SCML2: variants seen among roughly 807,000 people sequenced by gnomAD.
The protein encoded by SCML2 is sex comb on midleg-like protein 2.
In SCML2, 6 loss-of-function variants were observed where a neutral mutation model predicts 48.4. The observed-to-expected ratio is 0.12, with a 90% confidence interval of 0.07 to 0.24. SCML2 has a LOEUF of 0.24. SCML2 is among the 10% of genes least tolerant of loss of function. SCML2 has a pLI of 1.00. For synonymous variants in SCML2, 181 were observed against 189.5 expected, an observed-to-expected ratio of 0.95 and a Z score of 0.37; for missense variants, 377 against 528.2, an observed-to-expected ratio of 0.71 and a Z score of 2.81.
At chrX:18,354,427 A>G (rs1393001884) in intron 1 of SCML2, among the ~76,000 whole-genome samples, 165 bp downstream of exon 1, 1 of 111,045 alleles carries the variant, frequency 9.0e-6, no homozygotes, top group East Asian at 2.9e-4. Flanking sequence ...GGGATACCCT[A>G]TCGCGAAGCC....
chrX:18,323,790 C>T, intron 5 of SCML2, 69 bp downstream of exon 5: 6 of 829,960 alleles, frequency 7.2e-6, no homozygotes, highest in Non-Finnish European at 1.1e-5. Context: ...TTTTAAAAGG[C>T]CACTTAAAGC....
intron 6 of SCML2, among the ~76,000 whole-genome samples, chrX:18,315,981 A>G (rs1184436302): frequency 9.0e-6 from 1 of 111,088 alleles, no homozygotes; most frequent in African/African-American, 3.3e-5. Flanking sequence ...GGTTAGAAAG[A>G]AACAGGACAA....
rs149069692 is a variant in SCML2 at position 18,264,431 on chromosome X, T to TTGTGTG, written c.948+1148_948+1153dup. Among the ~76,000 whole-genome samples the TTGTGTG allele has an allele frequency of 3.2e-3, 271 of 83,922 alleles. 1 individual carries two copies. The highest frequency in any genetic ancestry group is 6.3e-3 in the Middle Eastern group (1 of 159). The allele number at this position is 83,922 out of a possible 115,157, so 72.9% of individuals were successfully genotyped here. ...AAGATGGTCTTTTTAATCAGTACGA[T>TTGTGTG]TGTGTGTGTGTGTGTGTGTGTGTGT... On this transcript the variant is annotated intron_variant, in intron 8 of 14. Coordinates refer to ENST00000251900, the MANE Select transcript of SCML2 (RefSeq NM_006089.3).
chrX:18,310,696 C>T (rs1157662570), intron 6 of SCML2, among the ~76,000 whole-genome samples: 1 of 111,379 alleles, frequency 9.0e-6, no homozygotes, highest in African/African-American at 3.3e-5. Context: ...AGCAGTCCTC[C>T]TGCCTCAGCC....
chrX:18,292,342 C>T (rs896023818), intron 7 of SCML2, among the ~76,000 whole-genome samples: 6 of 111,181 alleles, frequency 5.4e-5, no homozygotes, highest in Admixed American at 9.6e-5. Context: ...AAGACATATA[C>T]ATAAAAGTAT....
chrX:18,321,890 T>C (rs1483076896), intron 5 of SCML2, among the ~76,000 whole-genome samples: 1 of 111,550 alleles, frequency 9.0e-6, no homozygotes, highest in Non-Finnish European at 1.9e-5. Context: ...AACTAATCTA[T>C]AAGGTTAGGA....
At chrX:18,322,530 G>A (rs1188085772) in intron 5 of SCML2, among the ~76,000 whole-genome samples, 1 of 112,276 alleles carries the variant, frequency 8.9e-6, no homozygotes, top group African/African-American at 3.2e-5. Flanking sequence ...GTGAGTGAAA[G>A]AAGGCAAAAG....
At chrX:18,253,801 T>C (rs751988741) in intron 11 of SCML2, among the ~76,000 whole-genome samples, 1 of 112,075 alleles carries the variant, frequency 8.9e-6, no homozygotes, top group East Asian at 2.8e-4. Flanking sequence ...AGCATATTTA[T>C]ACAACAGAAT....
chrX:18,247,776 C>A lies in SCML2; in HGVS notation c.1563G>T (p.Ala521=). 1 of 1,187,268 alleles carries A rather than the reference C, an allele frequency of 8.4e-7. No individual in the cohort carries two copies. Among genetic ancestry groups the A allele is most frequent in the Non-Finnish European group, 1.1e-6 (1 of 873,791 alleles). Residue 521 remains alanine (A), a synonymous_variant, in exon 12 of 15, where the codon GCG becomes GCT. Coordinates refer to ENST00000251900, the MANE Select transcript of SCML2 (RefSeq NM_006089.3). ...GGTGTAAATGCTATTTACCTTCAGA[C>A]GCATACTCCTTTGTTTTGGGGAGCT... ...SPKLPKTKEY[A]SEGEPLFAGG... is the part of the protein sequence containing the mutation.
At chrX:18,293,202 C>G (rs917639723) in intron 7 of SCML2, among the ~76,000 whole-genome samples, 1 of 111,336 alleles carries the variant, frequency 9.0e-6, no homozygotes, top group African/African-American at 3.3e-5. Flanking sequence ...CAAATTATAT[C>G]TAAAAAACTG....
intron 7 of SCML2, among the ~76,000 whole-genome samples, chrX:18,268,191 T>C (rs994546692): frequency 8.9e-6 from 1 of 112,701 alleles, no homozygotes; most frequent in Non-Finnish European, 1.9e-5. Context: ...TCTTCTACTT[T>C]ATGAGAAGAT....
At chrX:18,325,376 G>A (rs1351793423) in intron 3 of SCML2, among the ~76,000 whole-genome samples, 1 of 111,848 alleles carries the variant, frequency 8.9e-6, no homozygotes, top group Non-Finnish European at 1.9e-5. Flanking sequence ...TTAATGTGAA[G>A]GCACTTCTTT....
intron 13 of SCML2, among the ~76,000 whole-genome samples, chrX:18,244,772 T>C (rs1926384084): frequency 9.0e-6 from 1 of 111,176 alleles, no homozygotes; most frequent in Admixed American, 9.6e-5. Flanking sequence ...ATTGGATTTC[T>C]TTCCTATAAT....
At chrX:18,299,907 C>CT (rs1928527091) in intron 7 of SCML2, among the ~76,000 whole-genome samples, 1 of 109,504 alleles carries the variant, frequency 9.1e-6, no homozygotes, top group Admixed American at 9.8e-5. Context: ...CCCATTTTAC[C>CT]TTTTTATTTT....
At chrX:18,318,038 C>T (rs1326859470) in intron 6 of SCML2, among the ~76,000 whole-genome samples, 1 of 111,857 alleles carries the variant, frequency 8.9e-6, no homozygotes, top group African/African-American at 3.2e-5. Flanking sequence ...ATGTGTATGA[C>T]AAGTGTGGCA....
chrX:18,337,348 T>C (rs1424436714), intron 1 of SCML2, among the ~76,000 whole-genome samples: 2 of 91,911 alleles, frequency 2.2e-5, no homozygotes, highest in African/African-American at 8.3e-5. Flanking sequence ...CAATTGTATG[T>C]TGGCTACAAA....
chrX:18,282,404 G>T (rs1328809646), intron 7 of SCML2, among the ~76,000 whole-genome samples: 1 of 110,859 alleles, frequency 9.0e-6, no homozygotes, highest in African/African-American at 3.3e-5. Flanking sequence ...TTGGGAGGCC[G>T]AGGTGAGTAG....
chrX:18,342,731 A>C (rs901220870), intron 1 of SCML2, among the ~76,000 whole-genome samples: 7 of 110,999 alleles, frequency 6.3e-5, no homozygotes, highest in Non-Finnish European at 1.3e-4. Context: ...AAAAAAGACT[A>C]CAGTTATACT....
intron 1 of SCML2, among the ~76,000 whole-genome samples, chrX:18,339,384 T>C (rs989913559): frequency 4.5e-5 from 5 of 111,992 alleles, no homozygotes; most frequent in African/African-American, 1.3e-4. Context: ...TTCATTAATA[T>C]ATTATTTCCT....
Sources: gnomAD v4.1 joint callset for allele counts (sites outside exome capture counted in the v4.1 genomes callset) on GRCh38, gnomAD v4.1.1 for gene constraint, MANE v1.5 for transcripts, NCBI Gene and HGNC (gene_info 2026-07-23, HGNC 2026-07-21) for gene names.